The following PARD3 variants were observed in gnomAD, a reference collection of about 807,000 sequenced individuals.
PARD3 encodes par-3 family cell polarity regulator.
In PARD3, 75 loss-of-function variants were observed where a neutral mutation model predicts 155.4. The observed-to-expected ratio is 0.48, with a 90% confidence interval of 0.40 to 0.58. The LOEUF is 0.58. PARD3 is among the 20% of genes least tolerant of loss of function. PARD3 has a pLI of 0.00. For missense variants in PARD3, 1,642 were observed against 1,721.7 expected, an observed-to-expected ratio of 0.95 and a Z score of 0.82; for synonymous variants, 576 against 610.5, an observed-to-expected ratio of 0.94 and a Z score of 0.83.
intron 3 of PARD3, among the ~76,000 whole-genome samples, chr10:34,513,469 G>C (rs1664633580): frequency 6.6e-6 from 1 of 152,168 alleles, no homozygotes; most frequent in Non-Finnish European, 1.5e-5. Context: ...TTTTGGTAGA[G>C]ACAGGGTTTC....
At chr10:34,801,603 G>C (rs1842849213) in intron 1 of PARD3, among the ~76,000 whole-genome samples, 1 of 152,180 alleles carries the variant, frequency 6.6e-6, no homozygotes, top group Admixed American at 6.5e-5. Context: ...CAACTCCTGG[G>C]TGAAGTCTTC....
intron 2 of PARD3, among the ~76,000 whole-genome samples, chr10:34,625,859 C>T (rs577029619): frequency 2.0e-5 from 3 of 151,828 alleles, no homozygotes; most frequent in Admixed American, 2.0e-4. Flanking sequence ...TGAGGTGAGC[C>T]GAGATCACAC....
At chr10:34,430,383 G>A (rs879354767) in intron 5 of PARD3, among the ~76,000 whole-genome samples, 1 of 152,068 alleles carries the variant, frequency 6.6e-6, no homozygotes, top group Non-Finnish European at 1.5e-5. Context: ...TTCTAACAAG[G>A]CTTTCCATTT....
At chr10:34,149,171 C>T (rs1482356057) in intron 22 of PARD3, among the ~76,000 whole-genome samples, 1 of 151,932 alleles carries the variant, frequency 6.6e-6, no homozygotes, top group East Asian at 1.9e-4. Context: ...AATTGATGAC[C>T]ATTTGAGTAT....
intron 3 of PARD3, among the ~76,000 whole-genome samples, chr10:34,483,019 G>T (rs553505626): frequency 2.6e-4 from 39 of 151,980 alleles, no homozygotes; most frequent in African/African-American, 8.9e-4. Flanking sequence ...AGCCAGGTGT[G>T]GTGGTGCATG....
At chr10:34,536,814 A>T (rs1230845099) in intron 2 of PARD3, among the ~76,000 whole-genome samples, 6 of 152,196 alleles carry the variant, frequency 3.9e-5, no homozygotes, top group Middle Eastern at 3.2e-3. Flanking sequence ...AGCAGAAGTC[A>T]ACACAGTCAA....
At chr10:34,555,735 T>C (rs1371563926) in intron 2 of PARD3, among the ~76,000 whole-genome samples, 1 of 152,156 alleles carries the variant, frequency 6.6e-6, no homozygotes, top group Non-Finnish European at 1.5e-5. Flanking sequence ...CTCCATTCTC[T>C]GGGAAATACC....
chr10:34,636,280 CCT>C (rs2092471537), intron 2 of PARD3, among the ~76,000 whole-genome samples: 1 of 152,174 alleles, frequency 6.6e-6, no homozygotes, highest in Non-Finnish European at 1.5e-5. Flanking sequence ...GGAGACCCAC[CCT>C]GTTTCCACCC....
At chr10:34,227,587 G>A (rs542124021) in intron 22 of PARD3, among the ~76,000 whole-genome samples, 117 of 152,220 alleles carry the variant, frequency 7.7e-4, no homozygotes, top group Non-Finnish European at 1.5e-3. Flanking sequence ...GCAGTGAGCC[G>A]AGATTGCGCC....
chr10:34,620,115 C>T (rs889368918), intron 2 of PARD3, among the ~76,000 whole-genome samples: 14 of 152,154 alleles, frequency 9.2e-5, no homozygotes, highest in Non-Finnish European at 1.6e-4. Context: ...TCACCCATGC[C>T]ATATATGCCC....
At chr10:34,759,271 C>T (rs781517941) in intron 1 of PARD3, among the ~76,000 whole-genome samples, 10 of 151,768 alleles carry the variant, frequency 6.6e-5, no homozygotes, top group Non-Finnish European at 1.5e-4. Context: ...TTTATTCACA[C>T]GTGTAAATCT....
At chr10:34,200,070 C>A (rs144923713) in intron 22 of PARD3, among the ~76,000 whole-genome samples, 3 of 152,264 alleles carry the variant, frequency 2.0e-5, no homozygotes, top group African/African-American at 7.2e-5. Context: ...TCTTTGTGAG[C>A]TATGATCATG....
rs537118532 is a variant in PARD3 at position 34,174,522 on chromosome 10, G to A, written c.3420-42939C>T. ...GGGAAGAGCATTCAAGGTCGGGGGCGTGGAGTCCTGAAACCCTGGTGCTTA... is the reference window on the plus strand; with the variant it reads ...GGGAAGAGCATTCAAGGTCGGGGGCATGGAGTCCTGAAACCCTGGTGCTTA... On this transcript the variant is annotated intron_variant, in intron 22 of 24. Coordinates refer to ENST00000374788, the MANE Select transcript of PARD3 (RefSeq NM_001184785.2). Among the ~76,000 whole-genome samples, 16 of 152,320 alleles carry A rather than the reference G, an allele frequency of 1.1e-4. No homozygotes were observed. In the South Asian group the frequency reaches 2.9e-3, roughly 28 times the overall value.
chr10:34,366,666 G>T (rs1454304614), intron 12 of PARD3, among the ~76,000 whole-genome samples: 1 of 152,114 alleles, frequency 6.6e-6, no homozygotes, highest in African/African-American at 2.4e-5. Context: ...ATGCAGGTAG[G>T]TATCTGAGAC....
At chr10:34,359,719 G>C (rs990174456) in intron 13 of PARD3, among the ~76,000 whole-genome samples, 2 of 152,158 alleles carry the variant, frequency 1.3e-5, no homozygotes, top group Non-Finnish European at 2.9e-5. Context: ...ATTTTCTCTA[G>C]GCTGAGAAAT....
intron 4 of PARD3, among the ~76,000 whole-genome samples, chr10:34,462,381 T>C (rs2077705620): frequency 6.6e-6 from 1 of 152,234 alleles, no homozygotes; most frequent in Non-Finnish European, 1.5e-5. Context: ...TGGTCAAGTG[T>C]ATTTTGTGGT....
chr10:34,542,787 A>C (rs1484643433), intron 2 of PARD3, among the ~76,000 whole-genome samples: 1 of 152,240 alleles, frequency 6.6e-6, no homozygotes, highest in Non-Finnish European at 1.5e-5. Context: ...GTGTCATACA[A>C]TTTTAAAAAG....
chr10:34,343,386 G>T, intron 15 of PARD3: 1 of 983,142 alleles, frequency 1.0e-6, no homozygotes, highest in Non-Finnish European at 1.2e-6. Flanking sequence ...AGGGGCATAT[G>T]ATTTTTTTTG....
intron 2 of PARD3, among the ~76,000 whole-genome samples, chr10:34,529,523 C>T (rs1380385780): frequency 6.6e-6 from 1 of 152,118 alleles, no homozygotes; most frequent in Non-Finnish European, 1.5e-5. Context: ...GATGCAAACC[C>T]CCCACACAGT....
Sources: gnomAD v4.1 joint callset for allele counts (sites outside exome capture counted in the v4.1 genomes callset) on GRCh38, gnomAD v4.1.1 for gene constraint, MANE v1.5 for transcripts, NCBI Gene and HGNC (gene_info 2026-07-23, HGNC 2026-07-21) for gene names.